LRP1B: variants seen among roughly 807,000 people sequenced by gnomAD.
The protein encoded by LRP1B is low-density lipoprotein receptor-related protein 1B.
LRP1B carries 217 observed loss-of-function variants against 556.6 expected under a neutral mutation model. The observed-to-expected ratio is 0.39, with a 90% CI of 0.35 to 0.44. The LOEUF (loss-of-function observed/expected upper bound fraction) is 0.44. LRP1B is among the 20% of genes least tolerant of loss of function. The probability of loss-of-function intolerance (pLI) is 1.00; values close to 1 mark genes in which losing one functional copy is unlikely to be tolerated. For missense variants in LRP1B, 5,053 were observed against 5,620.8 expected, an observed-to-expected ratio of 0.90 and a Z score of 3.23; for synonymous variants, 2,047 against 1,865.8, an observed-to-expected ratio of 1.10 and a Z score of -2.50.
intron 3 of LRP1B, among the ~76,000 whole-genome samples, chr2:141,314,707 C>T (rs1402050450): frequency 6.9e-6 from 1 of 144,806 alleles, no homozygotes; most frequent in Non-Finnish European, 1.5e-5. Context: ...AGGAGAATGG[C>T]GTGAACCCGG....
chr2:141,374,224 G>C (rs552523415), intron 3 of LRP1B, among the ~76,000 whole-genome samples: 1 of 152,102 alleles, frequency 6.6e-6, no homozygotes, highest in Non-Finnish European at 1.5e-5. Context: ...CACCTGTAAG[G>C]TTTCTGCTGA....
intron 1 of LRP1B, among the ~76,000 whole-genome samples, chr2:141,971,731 T>C (rs1172538777): frequency 1.5e-4 from 22 of 151,528 alleles, no homozygotes; most frequent in Non-Finnish European, 4.4e-5. Context: ...CCATAGTTAT[T>C]ATTGTAAATA....
chr2:140,966,833 G>A (rs1432370563), intron 18 of LRP1B, among the ~76,000 whole-genome samples: 1 of 152,128 alleles, frequency 6.6e-6, no homozygotes, highest in African/African-American at 2.4e-5. Context: ...TGTCAGGTCT[G>A]TCAAAGATCA....
chr2:140,884,088 C>A, intron 24 of LRP1B, 67 bp from the exon 25 acceptor site: 2 of 1,393,470 alleles, frequency 1.4e-6, no homozygotes, highest in Non-Finnish European at 2.0e-6. Context: ...AGGAAAAGGC[C>A]TTTGTGCCTG....
rs1682335780 is a variant in LRP1B, at chr2:141,207,472, T to C, written c.851-18889A>G. Among the ~76,000 whole-genome samples, 5 of 152,322 alleles carry C rather than the reference T, an allele frequency of 3.3e-5. No homozygotes were observed. In the South Asian group the frequency reaches 1.0e-3, roughly 32 times the overall value. On this transcript the variant is annotated intron_variant, in intron 6 of 90. Coordinates refer to ENST00000389484, the MANE Select transcript of LRP1B (RefSeq NM_018557.3). ...GGTTCATATAAGCTGAAATATTCTA[T>C]CAAGTCACAATGGAATTCTATAAAG...
At chr2:140,553,492 T>C (rs1008151594) in intron 43 of LRP1B, among the ~76,000 whole-genome samples, 9 of 151,788 alleles carry the variant, frequency 5.9e-5, no homozygotes, top group African/African-American at 2.2e-4. Flanking sequence ...TTTCTTCTAA[T>C]AATCTCTAAG....
intron 56 of LRP1B, among the ~76,000 whole-genome samples, chr2:140,493,064 T>C (rs1209086004): frequency 6.6e-6 from 1 of 152,184 alleles, no homozygotes; most frequent in Admixed American, 6.6e-5. Flanking sequence ...TAAAACATTC[T>C]TATGATCAGA....
At chr2:141,787,195 A>C (rs1484222308) in intron 2 of LRP1B, among the ~76,000 whole-genome samples, 2 of 151,938 alleles carry the variant, frequency 1.3e-5, no homozygotes, top group Non-Finnish European at 2.9e-5. Flanking sequence ...GTTTCTCATA[A>C]ATTTATGTAT....
intron 67 of LRP1B, among the ~76,000 whole-genome samples, chr2:140,384,346 A>G (rs774191828): frequency 5.9e-5 from 9 of 152,076 alleles, no homozygotes; most frequent in Non-Finnish European, 8.8e-5. Context: ...GGGATTTTTT[A>G]TATTTATGCT....
intron 27 of LRP1B, among the ~76,000 whole-genome samples, chr2:140,858,434 C>T (rs1353363353): frequency 6.8e-6 from 1 of 146,736 alleles, no homozygotes; most frequent in Non-Finnish European, 1.5e-5. Flanking sequence ...ACGTGTATAA[C>T]CTCTATCCTA....
intron 80 of LRP1B, 92 bp downstream of exon 80, chr2:140,325,670 A>AT (rs1680434792): frequency 1.2e-6 from 1 of 804,444 alleles, no homozygotes; most frequent in African/African-American, 1.8e-5. Context: ...AAAATCCAGA[A>AT]TGCAAAGTAA....
At chr2:140,493,145 C>T (rs1688774865) in intron 56 of LRP1B, among the ~76,000 whole-genome samples, 1 of 151,982 alleles carries the variant, frequency 6.6e-6, no homozygotes, top group African/African-American at 2.4e-5. Flanking sequence ...AGTATCACTG[C>T]ATATATATAT....
chr2:140,556,261 T>C (rs1361509710), intron 43 of LRP1B, among the ~76,000 whole-genome samples: 3 of 152,008 alleles, frequency 2.0e-5, no homozygotes, highest in Non-Finnish European at 4.4e-5. Flanking sequence ...GTCATAGGAC[T>C]CTAATCTGCC....
chr2:140,851,289 C>T (rs563750164), intron 28 of LRP1B, among the ~76,000 whole-genome samples: 6 of 152,032 alleles, frequency 3.9e-5, no homozygotes, highest in South Asian at 2.1e-4. Context: ...AGCTGTTAAG[C>T]GCCTCTTTGT....
chr2:140,503,195 G>T, intron 53 of LRP1B, 92 bp from the exon 54 acceptor site: 1 of 1,059,998 alleles, frequency 9.4e-7, no homozygotes, highest in Non-Finnish European at 1.4e-6. Context: ...GGATTAATGT[G>T]GATTACTCAT....
At chr2:140,711,381 G>C (rs558877033) in intron 37 of LRP1B, among the ~76,000 whole-genome samples, 2 of 151,836 alleles carry the variant, frequency 1.3e-5, no homozygotes, top group Non-Finnish European at 2.9e-5. Context: ...GAGCTGTGTT[G>C]GTCACTCATA....
At chr2:141,108,427 C>A (rs1222308354) in intron 7 of LRP1B, among the ~76,000 whole-genome samples, 7 of 135,686 alleles carry the variant, frequency 5.2e-5, no homozygotes, top group African/African-American at 1.9e-4. Flanking sequence ...CGGCTCACTG[C>A]AACCTCCTCC....
At chr2:140,982,888 A>C (rs1240319843) in intron 17 of LRP1B, among the ~76,000 whole-genome samples, 1 of 151,740 alleles carries the variant, frequency 6.6e-6, no homozygotes, top group East Asian at 1.9e-4. Context: ...TTTTCAGCAC[A>C]ATTATTTTAA....
intron 21 of LRP1B, among the ~76,000 whole-genome samples, chr2:140,918,062 C>A (rs926922855): frequency 6.6e-6 from 1 of 151,618 alleles, no homozygotes; most frequent in African/African-American, 2.4e-5. Flanking sequence ...TATATATTAC[C>A]CATTTTATTC....
Sources: allele counts gnomAD v4.1 joint callset (sites outside exome capture counted in the v4.1 genomes callset), GRCh38; gene constraint gnomAD v4.1.1; transcripts MANE v1.5; gene names NCBI Gene and HGNC (gene_info 2026-07-23, HGNC 2026-07-21).